LRRC4C: variants seen among roughly 807,000 people sequenced by gnomAD.
LRRC4C encodes leucine rich repeat containing 4C.
In LRRC4C, 5 loss-of-function variants were observed where a neutral mutation model predicts 33.6. The ratio of observed to expected loss-of-function variants is 0.15; its 90% CI spans 0.08 to 0.31. LRRC4C has a LOEUF of 0.31. Ranked by LOEUF, LRRC4C falls within the 10% of genes least tolerant of loss-of-function variation. The probability of loss-of-function intolerance (pLI) is 1.00; values close to 1 mark genes in which losing one functional copy is unlikely to be tolerated. For missense variants in LRRC4C, 560 were observed against 796.7 expected, an observed-to-expected ratio of 0.70 and a Z score of 3.58; for synonymous variants, 329 against 302.0, an observed-to-expected ratio of 1.09 and a Z score of -0.93.
intron 2 of LRRC4C, among the ~76,000 whole-genome samples, chr11:40,906,609 T>A (rs1250762452): frequency 1.3e-5 from 2 of 151,922 alleles, no homozygotes; most frequent in Non-Finnish European, 2.9e-5. Context: ...ACCGAAAAAA[T>A]TCTATGACTT....
chr11:40,990,239 A>G (rs1179663266), intron 1 of LRRC4C, among the ~76,000 whole-genome samples: 1 of 100,292 alleles, frequency 1.0e-5, no homozygotes, highest in African/African-American at 4.8e-5. Context: ...TTTTATATAT[A>G]TATATATATA....
intron 1 of LRRC4C, among the ~76,000 whole-genome samples, chr11:41,028,736 A>G (rs1245798207): frequency 6.7e-6 from 1 of 150,126 alleles, no homozygotes; most frequent in East Asian, 2.0e-4. Context: ...TACTTTTCTG[A>G]CTCTTTATTC....
chr11:41,145,614 G>A lies in LRRC4C; in HGVS notation c.-495-211891C>T, dbSNP rs570247719. Among the ~76,000 whole-genome samples the A allele has an allele frequency of 5.9e-5, 9 of 152,204 alleles. No individual in the cohort carries two copies. In the South Asian group the frequency reaches 8.3e-4, roughly 14 times the overall value. ...AATATATACTCTACAACACTTTGTC[G>A]GATAAATTTGTTGACCCTCCCATAT... On this transcript the variant is annotated intron_variant, in intron 1 of 6. Coordinates refer to ENST00000528697, the MANE Select transcript of LRRC4C (RefSeq NM_001258419.2).
chr11:41,216,441 C>G (rs1412519245), intron 1 of LRRC4C, among the ~76,000 whole-genome samples: 2 of 149,202 alleles, frequency 1.3e-5, no homozygotes, highest in Non-Finnish European at 3.0e-5. Context: ...ACATTTTTCT[C>G]TTTAATTACA....
At chr11:40,420,238 G>T (rs572808047) in intron 3 of LRRC4C, among the ~76,000 whole-genome samples, 10 of 152,120 alleles carry the variant, frequency 6.6e-5, no homozygotes, top group South Asian at 2.1e-4. Context: ...CTCTGAAATC[G>T]ATCACCACAA....
At chr11:40,744,775 A>G (rs759268304) in intron 2 of LRRC4C, among the ~76,000 whole-genome samples, 1 of 152,174 alleles carries the variant, frequency 6.6e-6, no homozygotes, top group African/African-American at 2.4e-5. Context: ...GTCCAAAACT[A>G]TTTGACAGCA....
intron 3 of LRRC4C, among the ~76,000 whole-genome samples, chr11:40,599,302 A>T (rs1197808344): frequency 6.6e-6 from 1 of 151,004 alleles, no homozygotes; most frequent in African/African-American, 2.4e-5. Flanking sequence ...TAAAAAAAAA[A>T]TCACCAGGTT....
At chr11:40,838,494 C>G (rs1169753526) in intron 2 of LRRC4C, among the ~76,000 whole-genome samples, 1 of 152,136 alleles carries the variant, frequency 6.6e-6, no homozygotes, top group African/African-American at 2.4e-5. Flanking sequence ...CTAGTCTTCC[C>G]ACTTTTTCCT....
intron 3 of LRRC4C, among the ~76,000 whole-genome samples, chr11:40,634,908 A>G (rs1213536457): frequency 6.6e-6 from 1 of 152,056 alleles, no homozygotes; most frequent in East Asian, 1.9e-4. Context: ...GAAAAAAGGA[A>G]AAAGGAAATG....
At position 40,404,033 on chromosome 11, in the gene LRRC4C, A is replaced by G. The variant is rs182900124; in HGVS notation, c.-269-84312T>C. 1.4e-4 allele frequency among the ~76,000 whole-genome samples: 22 copies of G among 152,272 alleles called. 1 individual carries two copies. The East Asian group carries it at 3.7e-3, about 25-fold the overall frequency. ...TAGGCATGGCCATGTGCCTTGTCTC[A>G]TGTTTGCTTAATGAGATCAAAGTAA... On this transcript the variant is annotated intron_variant, in intron 3 of 6. Transcript: ENST00000528697.
chr11:40,648,375 T>G (rs1330345318), intron 2 of LRRC4C, 97 bp from the exon 3 acceptor site: 1 of 152,156 alleles, frequency 6.6e-6, no homozygotes, highest in East Asian at 1.9e-4. Flanking sequence ...AAAAAAAAAT[T>G]AAAAAACACA....
chr11:40,493,525 G>A (rs985771745), intron 3 of LRRC4C, among the ~76,000 whole-genome samples: 1 of 152,034 alleles, frequency 6.6e-6, no homozygotes, highest in Non-Finnish European at 1.5e-5. Flanking sequence ...GAAGATGGTA[G>A]GGAGCTTCTC....
intron 4 of LRRC4C, among the ~76,000 whole-genome samples, chr11:40,302,580 A>T (rs1262447281): frequency 6.6e-6 from 1 of 152,122 alleles, no homozygotes; most frequent in East Asian, 1.9e-4. Flanking sequence ...AACCTTAAGC[A>T]GTTCCCTTCT....
intron 1 of LRRC4C, among the ~76,000 whole-genome samples, chr11:41,337,691 T>C (rs1450241712): frequency 6.6e-6 from 1 of 152,070 alleles, no homozygotes; most frequent in Admixed American, 6.6e-5. Context: ...AAAAATGAGA[T>C]CTGATTAAAC....
At chr11:40,364,171 G>T (rs1032741197) in intron 3 of LRRC4C, among the ~76,000 whole-genome samples, 1 of 151,864 alleles carries the variant, frequency 6.6e-6, no homozygotes, top group African/African-American at 2.4e-5. Flanking sequence ...CATAATTTCT[G>T]GTGTCCAAAC....
chr11:40,487,678 C>G (rs1017405868), intron 3 of LRRC4C, among the ~76,000 whole-genome samples: 12 of 151,962 alleles, frequency 7.9e-5, no homozygotes, highest in Non-Finnish European at 1.6e-4. Flanking sequence ...AAATAGAGCT[C>G]ATTTAAAAGT....
chr11:40,306,361 C>T (rs1469551238), intron 4 of LRRC4C, among the ~76,000 whole-genome samples: 1 of 152,092 alleles, frequency 6.6e-6, no homozygotes, highest in South Asian at 2.1e-4. Flanking sequence ...CTAATAATTC[C>T]TAACACAGCA....
At chr11:40,647,887 C>T (rs1252520776) in intron 3 of LRRC4C, among the ~76,000 whole-genome samples, 1 of 152,196 alleles carries the variant, frequency 6.6e-6, no homozygotes, top group South Asian at 2.1e-4. Context: ...TAAATCACTA[C>T]TGGTAAAAGT....
intron 5 of LRRC4C, among the ~76,000 whole-genome samples, chr11:40,175,824 T>C (rs1481566830): frequency 6.6e-6 from 1 of 152,192 alleles, no homozygotes; most frequent in African/African-American, 2.4e-5. Context: ...TCCCATCTTG[T>C]TTCCTGAACA....
Sources: allele counts gnomAD v4.1 joint callset (sites outside exome capture counted in the v4.1 genomes callset), GRCh38; gene constraint gnomAD v4.1.1; transcripts MANE v1.5; gene names NCBI Gene and HGNC (gene_info 2026-07-23, HGNC 2026-07-21).